SNX3: variants seen among roughly 807,000 people sequenced by gnomAD.
The protein encoded by SNX3 is sorting nexin-3.
In SNX3, 5 loss-of-function variants were observed where a neutral mutation model predicts 17.7. That is an observed-to-expected ratio of 0.28 (90% confidence interval 0.15 to 0.59). The LOEUF is 0.59. Among genes scored for constraint, SNX3 ranks in the 20% least tolerant of loss-of-function variants. SNX3 has a pLI of 0.88. For synonymous variants in SNX3, 91 were observed against 76.5 expected, an observed-to-expected ratio of 1.19 and a Z score of -0.99; for missense variants, 132 against 206.8, an observed-to-expected ratio of 0.64 and a Z score of 2.22.
Position 108,260,928 on chromosome 6 carries a change from G to A in SNX3, c.-7C>T, listed in dbSNP as rs369856168. 307 of 1,568,158 alleles carry A rather than the reference G, an allele frequency of 2.0e-4. No individual in the cohort carries two copies. Among genetic ancestry groups the A allele is most frequent in the Non-Finnish European group, 2.5e-4 (284 of 1,158,064 alleles). On this transcript the variant is annotated 5_prime_UTR_variant, in exon 1 of 4. Coordinates refer to ENST00000230085, the MANE Select transcript of SNX3 (RefSeq NM_003795.6). ...CAGCCACGGTCTCCGCCATTTCGCT[G>A]TAGCTGCTGCCGCCGCCGCGGGCTC...
intron 1 of SNX3, among the ~76,000 whole-genome samples, chr6:108,224,215 C>T (rs745959461): frequency 1.3e-5 from 2 of 152,136 alleles, no homozygotes; most frequent in East Asian, 1.9e-4. Context: ...GCAATCCTCT[C>T]GCCTTGGCCT....
intron 1 of SNX3, among the ~76,000 whole-genome samples, chr6:108,225,848 A>C (rs1486152073): frequency 1.3e-5 from 2 of 151,846 alleles, no homozygotes; most frequent in Non-Finnish European, 2.9e-5. Flanking sequence ...CCTGGGAAAC[A>C]TAAGAAGATT....
intron 1 of SNX3, among the ~76,000 whole-genome samples, chr6:108,248,047 A>C (rs1775744482): frequency 6.6e-6 from 1 of 152,130 alleles, no homozygotes; most frequent in Non-Finnish European, 1.5e-5. Context: ...ACAAGGAATC[A>C]CTCCAGTATT....
chr6:108,259,805 G>A (rs950664270), intron 1 of SNX3, among the ~76,000 whole-genome samples: 2 of 152,144 alleles, frequency 1.3e-5, no homozygotes, highest in Admixed American at 6.5e-5. Flanking sequence ...AATGTTAATA[G>A]TAGCTTGTCA....
At chr6:108,220,281 C>T (rs146851002) in intron 2 of SNX3, among the ~76,000 whole-genome samples, 1 of 152,038 alleles carries the variant, frequency 6.6e-6, no homozygotes, top group Non-Finnish European at 1.5e-5. Context: ...CTAACTGACT[C>T]ACCCAGAACA....
chr6:108,247,523 A>G (rs1198645727), intron 1 of SNX3, among the ~76,000 whole-genome samples: 1 of 151,820 alleles, frequency 6.6e-6, no homozygotes, highest in Admixed American at 6.6e-5. Flanking sequence ...CCATGCCACC[A>G]TGCCCAGATA....
At chr6:108,213,016 T>C (rs1195246122) in intron 3 of SNX3, among the ~76,000 whole-genome samples, 1 of 151,406 alleles carries the variant, frequency 6.6e-6, no homozygotes, top group African/African-American at 2.4e-5. Context: ...GCCTCCTGAG[T>C]AGCTGGGACT....
chr6:108,232,199 A>C (rs1343339227), intron 1 of SNX3, among the ~76,000 whole-genome samples: 1 of 152,246 alleles, frequency 6.6e-6, no homozygotes. Flanking sequence ...CTGCAAAGCA[A>C]TAAAATGTTA....
intron 1 of SNX3, among the ~76,000 whole-genome samples, chr6:108,241,680 TA>T (rs925558872): frequency 1.3e-5 from 2 of 151,602 alleles, no homozygotes; most frequent in African/African-American, 4.8e-5. Flanking sequence ...GGCAAGTCCC[TA>T]AAAAAAATAA....
chr6:108,250,214 T>C (rs2114762160), intron 1 of SNX3, among the ~76,000 whole-genome samples: 1 of 152,284 alleles, frequency 6.6e-6, no homozygotes, highest in African/African-American at 2.4e-5. Context: ...CCCGGCCTCA[T>C]GTTTTGATAA....
At chr6:108,217,696 A>T (rs193292688) in intron 2 of SNX3, among the ~76,000 whole-genome samples, 1 of 151,880 alleles carries the variant, frequency 6.6e-6, no homozygotes, top group Non-Finnish European at 1.5e-5. Context: ...GATTGCAGTA[A>T]GCCGGGACTG....
intron 1 of SNX3, among the ~76,000 whole-genome samples, chr6:108,260,133 G>A (rs951138603): frequency 3.3e-5 from 5 of 152,238 alleles, no homozygotes; most frequent in Non-Finnish European, 1.5e-5. Flanking sequence ...TCTGGATTAT[G>A]AGGTAGGTGA....
chr6:108,245,394 C>T (rs773964856), intron 1 of SNX3, among the ~76,000 whole-genome samples: 325 of 152,252 alleles, frequency 2.1e-3, no homozygotes, highest in Admixed American at 3.5e-3. Context: ...TCTTCGCTAT[C>T]GTAAATAGTG....
At chr6:108,238,146 T>C (rs1292249312) in intron 1 of SNX3, among the ~76,000 whole-genome samples, 1 of 146,748 alleles carries the variant, frequency 6.8e-6, no homozygotes. Context: ...TCAACTATAA[T>C]GGATACCCCT....
intron 1 of SNX3, among the ~76,000 whole-genome samples, chr6:108,230,970 T>C (rs1775127428): frequency 6.6e-6 from 1 of 152,148 alleles, no homozygotes; most frequent in Admixed American, 6.6e-5. Context: ...TGGAAAACTA[T>C]AAAATAGATC....
At chr6:108,215,319 C>T (rs370958584) in intron 2 of SNX3, among the ~76,000 whole-genome samples, 2 of 149,342 alleles carry the variant, frequency 1.3e-5, no homozygotes, top group East Asian at 3.9e-4. Flanking sequence ...CACTGCACTC[C>T]AGCTGGGCTA....
chr6:108,217,130 A>G (rs553374896), intron 2 of SNX3, among the ~76,000 whole-genome samples: 11 of 152,284 alleles, frequency 7.2e-5, no homozygotes, highest in African/African-American at 2.6e-4. Context: ...CCATTAATTC[A>G]GGGTAGAATT....
intron 3 of SNX3, among the ~76,000 whole-genome samples, chr6:108,212,934 C>T (rs1445770008): frequency 3.5e-5 from 5 of 141,250 alleles, no homozygotes; most frequent in Non-Finnish European, 7.5e-5. Flanking sequence ...ATCACCCAGG[C>T]TAGAGTGCAG....
intron 3 of SNX3, among the ~76,000 whole-genome samples, chr6:108,213,196 AT>A (rs1774461193): frequency 6.6e-6 from 1 of 152,056 alleles, no homozygotes; most frequent in Non-Finnish European, 1.5e-5. Flanking sequence ...GCCAGAGTCT[AT>A]TTTAAAGAGG....
Sources: allele counts gnomAD v4.1 joint callset (sites outside exome capture counted in the v4.1 genomes callset), GRCh38; gene constraint gnomAD v4.1.1; transcripts MANE v1.5; gene names NCBI Gene and HGNC (gene_info 2026-07-23, HGNC 2026-07-21).